The following NRG3 variants were observed in gnomAD, a reference collection of about 807,000 sequenced individuals.
The protein encoded by NRG3 is pro-neuregulin-3, membrane-bound isoform.
In NRG3, 31 loss-of-function variants were observed where a neutral mutation model predicts 66.9. That is an observed-to-expected ratio of 0.46 (90% CI 0.35 to 0.63). The LOEUF is 0.63. Among genes scored for constraint, NRG3 ranks in the 20% least tolerant of loss-of-function variants. The pLI, the probability that NRG3 is intolerant of heterozygous loss-of-function variation, is 0.00. For missense variants in NRG3, 910 were observed against 878.9 expected (o/e 1.04, Z -0.45); for synonymous variants, 393 against 359.4 (o/e 1.09, Z -1.06).
At chr10:82,386,986 T>C (rs2086040632) in intron 2 of NRG3, among the ~76,000 whole-genome samples, 2 of 151,960 alleles carry the variant, frequency 1.3e-5, no homozygotes, top group African/African-American at 4.8e-5. Flanking sequence ...TTTTAGTAGA[T>C]ATGGGATCTC....
chr10:82,009,281 A>G (rs1018878068), intron 1 of NRG3, among the ~76,000 whole-genome samples: 1 of 152,224 alleles, frequency 6.6e-6, no homozygotes, highest in East Asian at 1.9e-4. Context: ...TGACAAGTCT[A>G]CACAAGCTAG....
At chr10:82,824,742 G>T (rs2062116762) in intron 3 of NRG3, among the ~76,000 whole-genome samples, 1 of 149,606 alleles carries the variant, frequency 6.7e-6, no homozygotes, top group African/African-American at 2.5e-5. Context: ...TTTGAGGCAG[G>T]GTCTCACTCT....
In NRG3 at chr10:82,543,528, T is replaced by G. The variant is rs535803714; in HGVS notation, c.953+184660T>G. Among the ~76,000 whole-genome samples the G allele has an allele frequency of 5.3e-5, 8 of 152,244 alleles. No individual in the cohort carries two copies. The East Asian group carries it at 1.5e-3, about 29-fold the overall frequency. On this transcript the variant is annotated intron_variant, in intron 2 of 8. Coordinates refer to ENST00000372141, the MANE Select transcript of NRG3 (RefSeq NM_001010848.4). Reference sequence around the variant, plus strand: ...TTAAAGAAAACTAAAATCAGAAACTTTTTTTGAACTCATATTAATTCTTAT... The same window carrying G: ...TTAAAGAAAACTAAAATCAGAAACTGTTTTTGAACTCATATTAATTCTTAT...
chr10:81,886,862 C>G (rs1842651521), intron 1 of NRG3, among the ~76,000 whole-genome samples: 1 of 152,000 alleles, frequency 6.6e-6, no homozygotes, highest in Non-Finnish European at 1.5e-5. Context: ...CTTTACTGGT[C>G]ACTAGATTTA....
At position 82,563,842 on chromosome 10, in the gene NRG3, CTA is replaced by C. The variant is rs2045216605; in HGVS notation, c.954-174733_954-174732del. 7.9e-5 allele frequency among the ~76,000 whole-genome samples: 12 copies of C among 152,008 alleles called. No individual in the cohort carries two copies. In the South Asian group the frequency reaches 2.5e-3, roughly 32 times the overall value. Reference sequence around the variant, plus strand: ...AAGCTAATTATGAAACTAAAATTTTCTATCTTTTTGATGTTTCAACAATTTCA... The same window carrying C: ...AAGCTAATTATGAAACTAAAATTTTCTCTTTTTGATGTTTCAACAATTTCA... On this transcript the variant is annotated intron_variant, in intron 2 of 8. Transcript: ENST00000372141.
At chr10:82,456,489 AAC>A (rs1564942184) in intron 2 of NRG3, among the ~76,000 whole-genome samples, 1 of 152,082 alleles carries the variant, frequency 6.6e-6, no homozygotes, top group Non-Finnish European at 1.5e-5. Context: ...GTAAGACAAA[AAC>A]ACACACACTA....
At chr10:82,006,420 T>A (rs145566122) in intron 1 of NRG3, among the ~76,000 whole-genome samples, 140 of 152,286 alleles carry the variant, frequency 9.2e-4, no homozygotes, top group Non-Finnish European at 1.7e-3. Context: ...TTTACTTTGC[T>A]TATAATGTAT....
chr10:82,159,732 T>C (rs1254227567), intron 1 of NRG3, among the ~76,000 whole-genome samples: 1 of 151,928 alleles, frequency 6.6e-6, no homozygotes, highest in African/African-American at 2.4e-5. Flanking sequence ...TTTGTTGAGA[T>C]AGACTTTGTG....
intron 3 of NRG3, among the ~76,000 whole-genome samples, chr10:82,810,460 A>G (rs777647640): frequency 1.3e-5 from 2 of 152,144 alleles, no homozygotes; most frequent in Non-Finnish European, 2.9e-5. Flanking sequence ...AGACAAACAG[A>G]TCAGTAAAGA....
chr10:82,542,093 G>A (rs187769289), intron 2 of NRG3, among the ~76,000 whole-genome samples: 1 of 151,950 alleles, frequency 6.6e-6, no homozygotes, highest in Non-Finnish European at 1.5e-5. Flanking sequence ...CCACTGACAG[G>A]CCCCAGTGTG....
chr10:82,320,568 T>TAATA (rs2081514870), intron 1 of NRG3, among the ~76,000 whole-genome samples: 1 of 152,212 alleles, frequency 6.6e-6, no homozygotes, highest in African/African-American at 2.4e-5. Flanking sequence ...CCTTGAAATC[T>TAATA]AATATTCAGA....
intron 1 of NRG3, among the ~76,000 whole-genome samples, chr10:82,126,628 T>C (rs1203482066): frequency 1.3e-5 from 2 of 152,116 alleles, no homozygotes; most frequent in Non-Finnish European, 2.9e-5. Context: ...GACCAAAGAA[T>C]TAATTTCTCC....
At chr10:82,016,390 C>T (rs2061788171) in intron 1 of NRG3, among the ~76,000 whole-genome samples, 1 of 151,886 alleles carries the variant, frequency 6.6e-6, no homozygotes, top group South Asian at 2.1e-4. Flanking sequence ...CCCTCTCTGC[C>T]ACCAGAAGCA....
At chr10:82,850,713 CAAAA>C (rs5786576) in intron 3 of NRG3, among the ~76,000 whole-genome samples, 1 of 137,872 alleles carries the variant, frequency 7.3e-6, no homozygotes, top group Non-Finnish European at 1.6e-5. Flanking sequence ...TTTTTAAGAG[CAAAA>C]AAAAAAAAGA....
chr10:82,686,591 C>G (rs886849829), intron 2 of NRG3, among the ~76,000 whole-genome samples: 1 of 152,184 alleles, frequency 6.6e-6, no homozygotes, highest in African/African-American at 2.4e-5. Flanking sequence ...TCGTGACGAC[C>G]ATGTCACTAG....
At chr10:82,665,623 T>A (rs2052710159) in intron 2 of NRG3, among the ~76,000 whole-genome samples, 1 of 152,204 alleles carries the variant, frequency 6.6e-6, no homozygotes, top group Non-Finnish European at 1.5e-5. Flanking sequence ...CCCTCTTTTT[T>A]TAATACCATA....
At chr10:82,559,439 C>G (rs1177854659) in intron 2 of NRG3, among the ~76,000 whole-genome samples, 1 of 152,124 alleles carries the variant, frequency 6.6e-6, no homozygotes, top group Non-Finnish European at 1.5e-5. Context: ...CCAAACTCAC[C>G]CAGTTGAGTA....
intron 1 of NRG3, among the ~76,000 whole-genome samples, chr10:82,305,953 A>G (rs2080699795): frequency 6.6e-6 from 1 of 152,226 alleles, no homozygotes; most frequent in East Asian, 1.9e-4. Context: ...AAGGTTTGAC[A>G]TTAACCATGA....
chr10:82,918,600 G>A (rs1846110236), intron 4 of NRG3, among the ~76,000 whole-genome samples: 1 of 152,126 alleles, frequency 6.6e-6, no homozygotes, highest in Non-Finnish European at 1.5e-5. Flanking sequence ...GTTGATTAAT[G>A]GATATGACCA....
Sources: allele counts gnomAD v4.1 joint callset (sites outside exome capture counted in the v4.1 genomes callset), GRCh38; gene constraint gnomAD v4.1.1; transcripts MANE v1.5; gene names NCBI Gene and HGNC (gene_info 2026-07-23, HGNC 2026-07-21).